The following AASDHPPT variants were observed in gnomAD, a reference collection of about 807,000 sequenced individuals.
AASDHPPT encodes aminoadipate-semialdehyde dehydrogenase-phosphopantetheinyl transferase.
In AASDHPPT, 23 loss-of-function variants were observed where a neutral mutation model predicts 36.4. The observed-to-expected ratio is 0.63, with a 90% CI of 0.45 to 0.89. The LOEUF (loss-of-function observed/expected upper bound fraction) is 0.89. Ranked by LOEUF, AASDHPPT falls within the 40% of genes least tolerant of loss-of-function variation. The pLI, the probability that AASDHPPT is intolerant of heterozygous loss-of-function variation, is 0.00. For synonymous variants in AASDHPPT, 115 were observed against 128.0 expected (o/e 0.90, Z 0.68); for missense variants, 377 against 378.2 (o/e 1.00, Z 0.03).
At chr11:106,091,217 G>A (rs559196253) in intron 3 of AASDHPPT, 99 bp from the exon 4 acceptor site, 5 of 993,842 alleles carry the variant, frequency 5.0e-6, no homozygotes, top group East Asian at 2.5e-5. Flanking sequence ...TAGCCATAAT[G>A]TAGTATAGCA....
At position 106,077,905 on chromosome 11, in the gene AASDHPPT, CTTTTTTGGTAT is replaced by C. The variant is rs1167222768; in HGVS notation, c.183+15_183+25del. ...CTAAGGCAGCCATGGTACTACAGGT[CTTTTTTGGTAT>C]TTAGAGCCTAGGAAGCAGATCTTGG... On this transcript the variant is annotated intron_variant, in intron 1 of 5. Transcript: ENST00000278618. The C allele has an allele frequency of 1.2e-6, 2 of 1,612,594 alleles. No individual in the cohort carries two copies. The highest frequency in any genetic ancestry group is 3.3e-5 in the Admixed American group (2 of 59,924).
Position 106,096,814 on chromosome 11 carries a change from AT to A in AASDHPPT, c.838del (p.Ser280LeufsTer5). On this transcript the variant is annotated frameshift_variant, in exon 6 of 6. Coordinates refer to ENST00000278618, the MANE Select transcript of AASDHPPT (RefSeq NM_015423.3). LOFTEE classifies it high-confidence loss of function. ...TILNFNDLMS[S>X]AVPMTPEDPS... ...TTCTCAACTTTAATGATTTAATGTC[AT>A]CTGCCGTTCCCATGACACCTGAAGA... The A allele has an allele frequency of 6.2e-7, 1 of 1,611,810 alleles. No homozygotes were observed. Among genetic ancestry groups the A allele is most frequent in the Non-Finnish European group, 8.5e-7 (1 of 1,178,902 alleles).
At chr11:106,080,055 T>C (rs1244954735) in intron 2 of AASDHPPT, among the ~76,000 whole-genome samples, 2 of 152,210 alleles carry the variant, frequency 1.3e-5, no homozygotes, top group East Asian at 1.9e-4. Flanking sequence ...GTAAAGTACA[T>C]TGTAGTCCTT....
At chr11:106,094,155 A>C (rs1861288032) in intron 4 of AASDHPPT, 1 of 152,922 alleles carries the variant, frequency 6.5e-6, no homozygotes, top group African/African-American at 2.4e-5. Context: ...AAAAAACAAA[A>C]GAAAGGCTAA....
chr11:106,091,734 A>G, intron 4 of AASDHPPT: 1 of 285,444 alleles, frequency 3.5e-6, no homozygotes. Context: ...ATGTATGAAC[A>G]GCCAAACGCA....
Position 106,082,955 on chromosome 11 carries a change from T to G in AASDHPPT, c.409+3263T>G, listed in dbSNP as rs371420625. Among the ~76,000 whole-genome samples the G allele has an allele frequency of 2.8e-3, 428 of 152,330 alleles. 3 individuals carry two copies. Among genetic ancestry groups the G allele is most frequent in the African/African-American group, 9.7e-3 (405 of 41,580 alleles). On this transcript the variant is annotated intron_variant, in intron 2 of 5. Transcript: ENST00000278618. ...AAATAGACAAAATACATAAAAATTATGATTGAAATTTGGGAAAGGACCAGA... is the reference window on the plus strand; with the variant it reads ...AAATAGACAAAATACATAAAAATTAGGATTGAAATTTGGGAAAGGACCAGA...
rs1190873359 is a variant in AASDHPPT at position 106,097,695 on chromosome 11, AT to A, written c.*793del. Reference sequence around the variant, plus strand: ...CTCATTTGTTTTATCCATGAGGAAGATTTTTAACAAAAGCCTCCAGAAGATT... The same window carrying A: ...CTCATTTGTTTTATCCATGAGGAAGATTTTAACAAAAGCCTCCAGAAGATT... On this transcript the variant is annotated 3_prime_UTR_variant, in exon 6 of 6. Transcript: ENST00000278618. The A allele has an allele frequency of 6.6e-6, 1 of 152,114 alleles. No individual in the cohort carries two copies. The highest frequency in any genetic ancestry group is 2.4e-5 in the African/African-American group (1 of 41,430). The allele number at this position is 152,114 out of a possible 1,614,324, so 9.4% of individuals were successfully genotyped here. A position where few individuals can be genotyped will look rare whatever the true frequency, so the allele number is the denominator to read the frequency against.
chr11:106,079,601 C>CT lies in AASDHPPT; in HGVS notation c.321dup (p.Asn108Ter), dbSNP rs772797987. The CT allele has an allele frequency of 1.9e-6, 3 of 1,614,200 alleles. No individual in the cohort carries two copies. The highest frequency in any genetic ancestry group is 2.5e-6 in the Non-Finnish European group (3 of 1,180,014). On this transcript the variant is annotated frameshift_variant, in exon 2 of 6. Transcript: ENST00000278618. LOFTEE classifies it high-confidence loss of function. ...CATCGAATCCTTACCCGAATTTCAA[C>CT]TTTAACATCTCTCATCAAGGAGACT...
At chr11:106,091,683 C>A in intron 4 of AASDHPPT, 1 of 456,736 alleles carries the variant, frequency 2.2e-6, no homozygotes, top group Non-Finnish European at 3.7e-6. Context: ...ATTGTGAGTT[C>A]AGTACGGGAA....
chr11:106,086,454 ACT>A (rs910274395), intron 2 of AASDHPPT: 3 of 151,640 alleles, frequency 2.0e-5, no homozygotes, highest in African/African-American at 7.3e-5. Flanking sequence ...ATCTATAAAG[ACT>A]CTATTTCCAA....
intron 4 of AASDHPPT, 165 bp downstream of exon 4, chr11:106,091,642 C>T (rs532216518): frequency 1.7e-6 from 1 of 587,988 alleles, no homozygotes. Context: ...AACATTTATA[C>T]TAATACTTGA....
chr11:106,078,393 A>G (rs1273972840), intron 1 of AASDHPPT, among the ~76,000 whole-genome samples: 1 of 152,196 alleles, frequency 6.6e-6, no homozygotes. Context: ...ATTGAAGCCA[A>G]TGAAATTGAA....
intron 4 of AASDHPPT, 188 bp downstream of exon 4, chr11:106,091,665 G>A (rs1861258470): frequency 1.9e-6 from 1 of 517,412 alleles, no homozygotes; most frequent in African/African-American, 2.0e-5. Context: ...GAAGTTGAAA[G>A]ATGAGTCATT....
At chr11:106,078,555 G>A (rs1329329078) in intron 1 of AASDHPPT, among the ~76,000 whole-genome samples, 1 of 152,170 alleles carries the variant, frequency 6.6e-6, no homozygotes, top group African/African-American at 2.4e-5. Context: ...AAACAACCGT[G>A]AATTACCATC....
chr11:106,096,750 C>T lies in AASDHPPT; in HGVS notation c.773C>T (p.Ser258Phe), dbSNP rs771345451. The change falls in exon 6 of 6, where the codon TCT (serine) becomes TTT (phenylalanine). Residue 258 changes from serine (S) to phenylalanine (F), a missense_variant. Physicochemically the swap from Ser to Phe is radical, Grantham distance 155. Coordinates refer to ENST00000278618, the MANE Select transcript of AASDHPPT (RefSeq NM_015423.3). ...TCTGCTTTTGTCTTTTAGGTTCCAT[C>T]TCAGGATGATTCCAAACCAACCCAG... ...PDGSRHQDVPSQDDSKPTQRQ... is the reference protein window; with the variant it reads ...PDGSRHQDVPFQDDSKPTQRQ... The T allele has an allele frequency of 6.3e-6, 10 of 1,587,522 alleles. No homozygotes were observed. The highest frequency in any genetic ancestry group is 1.4e-5 in the African/African-American group (1 of 73,316).
intron 2 of AASDHPPT, among the ~76,000 whole-genome samples, chr11:106,089,836 T>G (rs932060740): frequency 2.0e-5 from 3 of 152,028 alleles, no homozygotes; most frequent in Admixed American, 1.3e-4. Context: ...TAGAATGCTA[T>G]GTAATATTTT....
intron 2 of AASDHPPT, among the ~76,000 whole-genome samples, chr11:106,081,482 TA>T (rs547743480): frequency 1.9e-4 from 29 of 152,286 alleles, no homozygotes; most frequent in African/African-American, 6.7e-4. Flanking sequence ...TGGCTTACTC[TA>T]AAAAAATTGC....
chr11:106,091,470 C>G lies in AASDHPPT; in HGVS notation c.686C>G (p.Ala229Gly), dbSNP rs1205438050. Residue 229 changes from alanine to glycine, a missense_variant, in exon 4 of 6, where the codon GCA becomes GGA. Transcript: ENST00000278618. ...FLDGEEEKEW[A>G]FEESKIDEHH... ...GATGGAGAGGAAGAAAAAGAATGGG[C>G]ATTTGAGGTAAGAAATTTGTTAGAA... is the stretch of plus-strand genomic sequence containing the variant. 1.5e-5 allele frequency: 23 copies of G among 1,569,520 alleles called. No homozygotes were observed. Among genetic ancestry groups the G allele is most frequent in the Admixed American group, 2.1e-5 (1 of 48,020 alleles).
At position 106,095,248 on chromosome 11, in the gene AASDHPPT, A is replaced by G. The variant is rs192028568; in HGVS notation, c.765+594A>G. ...ATAGACATTCAAGATTATCTTAGTCATCTTAACAGTAGTTTATTTCTTGGT... is the reference window on the plus strand; with the variant it reads ...ATAGACATTCAAGATTATCTTAGTCGTCTTAACAGTAGTTTATTTCTTGGT... On this transcript the variant is annotated intron_variant, in intron 5 of 5. Transcript: ENST00000278618. 4.6e-5 allele frequency among the ~76,000 whole-genome samples: 7 copies of G among 152,338 alleles called. No individual in the cohort carries two copies. In the East Asian group the frequency reaches 1.2e-3, roughly 25 times the overall value.
Sources: gnomAD v4.1 joint callset for allele counts (sites outside exome capture counted in the v4.1 genomes callset) on GRCh38, gnomAD v4.1.1 for gene constraint, MANE v1.5 for transcripts, NCBI Gene and HGNC (gene_info 2026-07-23, HGNC 2026-07-21) for gene names.